Variants in OR5L1 observed in about 807,000 individuals in gnomAD.
The protein encoded by OR5L1 is olfactory receptor 5L1.
For missense variants in OR5L1, 398 were observed against 365.8 expected (o/e 1.09, Z -0.72); for synonymous variants, 197 against 146.6 (o/e 1.34, Z -2.49).
chr11:55,811,537 G>C lies in OR5L1; in HGVS notation c.71G>C (p.Arg24Thr), dbSNP rs200249696. 1.9e-6 allele frequency: 3 copies of C among 1,614,014 alleles called. No homozygotes were observed. The African/African-American group carries it at 4.0e-5, about 22-fold the overall frequency. Residue 24 changes from arginine (R) to threonine (T), a missense_variant, in exon 1 of 1, where the codon AGA becomes ACA. Arg to Thr is a moderately conservative substitution (Grantham distance 71, BLOSUM62 -1). Transcript: ENST00000625203. ...LLGLSDVPELRVCLFLLFLLI... is the reference protein window; with the variant it reads ...LLGLSDVPELTVCLFLLFLLI... The stretch of plus-strand genomic sequence containing the variant: ...GGACTATCAGATGTCCCTGAGTTGA[G>C]AGTCTGCCTCTTCCTGCTGTTCCTT...
chr11:55,812,453 G>A lies in OR5L1; in HGVS notation c.*51G>A, dbSNP rs533270077. 7.6e-7 allele frequency: 1 copy of A among 1,320,646 alleles called. No homozygotes were observed. The highest frequency in any genetic ancestry group is 1.1e-6 in the Non-Finnish European group (1 of 939,338). 81.8% of individuals were successfully genotyped at this position (1,320,646 alleles called of 1,614,324 possible). ...GATTCCCAAGTAGTGGCAGGCGGGGGTTCACGGGAGAGGCACAGTGTTGGA... is the reference window on the plus strand; with the variant it reads ...GATTCCCAAGTAGTGGCAGGCGGGGATTCACGGGAGAGGCACAGTGTTGGA... On this transcript the variant is annotated 3_prime_UTR_variant, in exon 1 of 1. Transcript: ENST00000625203.
At position 55,812,137 on chromosome 11, in the gene OR5L1, C is replaced by G; in HGVS notation, c.671C>G (p.Thr224Ser). 1 of 1,614,024 alleles carries G rather than the reference C, an allele frequency of 6.2e-7. No individual in the cohort carries two copies. The highest frequency in any genetic ancestry group is 8.5e-7 in the Non-Finnish European group (1 of 1,180,026). ...ILTSYLLILTTILKMGSAEGR... is the reference protein window; with the variant it reads ...ILTSYLLILTSILKMGSAEGR... ...ACCTCCTACCTGCTAATTCTCACCA[C>G]CATCCTGAAGATGGGCTCTGCAGAG... is the stretch of plus-strand genomic sequence containing the variant. Residue 224 changes from threonine (T) to serine (S), a missense_variant, in exon 1 of 1, where the codon ACC becomes AGC. Transcript: ENST00000625203.
rs775280055 is a variant in OR5L1, at chr11:55,811,721, C to A, written c.255C>A (p.Ile85=). 1.9e-6 allele frequency: 3 copies of A among 1,614,082 alleles called. No homozygotes were observed. Among genetic ancestry groups the A allele is most frequent in the East Asian group, 2.2e-5 (1 of 44,882 alleles). ...TTGTGCCAAAAATGTTGGCTAATAT[C>A]TTTAACAAGGACAAAGCCATCTCCT... ...SIIVPKMLAN[I]FNKDKAISFL... The change falls in exon 1 of 1, where the codon ATC becomes ATA. Residue 85 remains isoleucine (I), a synonymous_variant. Transcript: ENST00000625203.
rs777592351 is a variant in OR5L1, at chr11:55,812,255, TTCA to T, written c.790_792del (p.Ser264del). ...TCCTTTCCATTTATTGCAGGCCCAG[TTCA>T]GGCAATAGTGGAGATGCTGACAAAG... On this transcript the variant is annotated inframe_deletion, in exon 1 of 1. Coordinates refer to ENST00000625203, the MANE Select transcript of OR5L1 (RefSeq NM_001004738.2). 2 of 1,613,770 alleles carry T rather than the reference TTCA, an allele frequency of 1.2e-6. No individual in the cohort carries two copies. Among genetic ancestry groups the T allele is most frequent in the South Asian group, 2.2e-5 (2 of 91,078 alleles).
chr11:55,811,471 G>T lies in OR5L1; in HGVS notation c.5G>T (p.Gly2Val). 2 of 1,610,226 alleles carry T rather than the reference G, an allele frequency of 1.2e-6. No homozygotes were observed. The highest frequency in any genetic ancestry group is 1.7e-6 in the Non-Finnish European group (2 of 1,177,850). ...AATCTCATATAAATTGGAGACATGG[G>T]CAAGGAAAACTGCACCACTGTGGCT... Reference protein sequence around the residue: MGKENCTTVAEF... With the variant: MVKENCTTVAEF... Residue 2 changes from glycine (G) to valine (V), a missense_variant, in exon 1 of 1, where the codon GGC becomes GTC. Transcript: ENST00000625203.
Position 55,811,416 on chromosome 11 carries a change from G to A in OR5L1, c.-51G>A. 6.4e-7 allele frequency: 1 copy of A among 1,550,856 alleles called. No individual in the cohort carries two copies. Among genetic ancestry groups the A allele is most frequent in the Non-Finnish European group, 8.7e-7 (1 of 1,150,808 alleles). On this transcript the variant is annotated 5_prime_UTR_variant, in exon 1 of 1. An upstream start codon of the reference 5' UTR is lost. Coordinates refer to ENST00000625203, the MANE Select transcript of OR5L1 (RefSeq NM_001004738.2). Reference sequence around the variant, plus strand: ...AAAACTAAAATTTAGACTATATAATGGAGAATAATTTTTAAGTTTCTTTTC... The same window carrying A: ...AAAACTAAAATTTAGACTATATAATAGAGAATAATTTTTAAGTTTCTTTTC...
At position 55,811,574 on chromosome 11, in the gene OR5L1, A is replaced by T. The variant is rs776525833; in HGVS notation, c.108A>T (p.Gly36=). ...TCCTGCTGTTCCTTCTCATCTATGG[A>T]GTCACGTTGTTAGCCAACCTGGGCA... ...CLFLLFLLIY[G]VTLLANLGMI... is the part of the protein sequence containing the mutation. The change falls in exon 1 of 1, where the codon GGA becomes GGT. Residue 36 remains glycine, a synonymous_variant. Transcript: ENST00000625203. 6.2e-7 allele frequency: 1 copy of T among 1,613,908 alleles called. No individual in the cohort carries two copies. Among genetic ancestry groups the T allele is most frequent in the Non-Finnish European group, 8.5e-7 (1 of 1,180,004 alleles).
Position 55,812,313 on chromosome 11 carries a change from C to A in OR5L1, c.847C>A (p.Pro283Thr), listed in dbSNP as rs368833257. Residue 283 changes from proline to threonine, a missense_variant, in exon 1 of 1, where the codon CCT becomes ACT. By Grantham distance (38) the Pro-to-Thr change is conservative. Coordinates refer to ENST00000625203, the MANE Select transcript of OR5L1 (RefSeq NM_001004738.2). ...CACCGTGTTCTACACAGTCGTGATT[C>A]CTATGCTGAACTCTGTGATCTACAG... is the stretch of plus-strand genomic sequence containing the variant. ...VATVFYTVVI[P>T]MLNSVIYSLR... The A allele has an allele frequency of 1.9e-6, 3 of 1,613,866 alleles. No individual in the cohort carries two copies. The highest frequency in any genetic ancestry group is 2.5e-6 in the Non-Finnish European group (3 of 1,179,940).
rs779575279 is a variant in OR5L1, at chr11:55,811,857, C to G, written c.391C>G (p.Leu131Val). ...CTTTGTGGCCATCTGTAACCCTTTG[C>G]TATACACAGTCACCATGTCTTGGAA... ...DRFVAICNPL[L>V]YTVTMSWKVR... Residue 131 changes from leucine (L) to valine (V), a missense_variant, in exon 1 of 1, where the codon CTA becomes GTA. Coordinates refer to ENST00000625203, the MANE Select transcript of OR5L1 (RefSeq NM_001004738.2). The G allele has an allele frequency of 1.9e-6, 3 of 1,614,012 alleles. 1 individual carries two copies. In the South Asian group the frequency reaches 3.3e-5, roughly 18 times the overall value.
chr11:55,811,565 C>T lies in OR5L1; in HGVS notation c.99C>T (p.Leu33=). Residue 33 remains leucine, a synonymous_variant, in exon 1 of 1, where the codon CTC becomes CTT. Transcript: ENST00000625203. ...LRVCLFLLFL[L]IYGVTLLANL... ...TCTGCCTCTTCCTGCTGTTCCTTCT[C>T]ATCTATGGAGTCACGTTGTTAGCCA... The T allele has an allele frequency of 3.7e-6, 6 of 1,613,998 alleles. No individual in the cohort carries two copies. Among genetic ancestry groups the T allele is most frequent in the Non-Finnish European group, 5.1e-6 (6 of 1,180,030 alleles).
chr11:55,811,428 T>G lies in OR5L1; in HGVS notation c.-39T>G. On this transcript the variant is annotated 5_prime_UTR_variant, in exon 1 of 1. Transcript: ENST00000625203. The stretch of plus-strand genomic sequence containing the variant: ...TAGACTATATAATGGAGAATAATTT[T>G]TAAGTTTCTTTTCCTCCAATCTCAT... The G allele has an allele frequency of 6.4e-7, 1 of 1,563,694 alleles. No individual in the cohort carries two copies. Among genetic ancestry groups the G allele is most frequent in the Non-Finnish European group, 8.6e-7 (1 of 1,158,262 alleles).
Position 55,811,488 on chromosome 11 carries a change from A to G in OR5L1, c.22A>G (p.Thr8Ala), listed in dbSNP as rs140524901. ...AGACATGGGCAAGGAAAACTGCACC[A>G]CTGTGGCTGAGTTCATTCTCCTTGG... Reference protein sequence around the residue: MGKENCTTVAEFILLGLS... With the variant: MGKENCTAVAEFILLGLS... Residue 8 changes from threonine (T) to alanine (A), a missense_variant, in exon 1 of 1, where the codon ACT becomes GCT. Transcript: ENST00000625203. The G allele has an allele frequency of 6.2e-7, 1 of 1,613,120 alleles. No individual in the cohort carries two copies. The highest frequency in any genetic ancestry group is 1.3e-5 in the African/African-American group (1 of 74,780).
At position 55,812,219 on chromosome 11, in the gene OR5L1, C is replaced by G. The variant is rs1381189325; in HGVS notation, c.753C>G (p.Phe251Leu). The G allele has an allele frequency of 4.3e-6, 7 of 1,613,906 alleles. No homozygotes were observed. The highest frequency in any genetic ancestry group is 5.9e-6 in the Non-Finnish European group (7 of 1,180,014). ...CASHLTAITV[F>L]HGTVLSIYCR... Reference sequence around the variant, plus strand: ...CCCACCTCACAGCTATCACTGTCTTCCATGGAACAGTCCTTTCCATTTATT... The same window carrying G: ...CCCACCTCACAGCTATCACTGTCTTGCATGGAACAGTCCTTTCCATTTATT... The change falls in exon 1 of 1, where the codon TTC (phenylalanine) becomes TTG (leucine). Residue 251 changes from phenylalanine (F) to leucine (L), a missense_variant. Coordinates refer to ENST00000625203, the MANE Select transcript of OR5L1 (RefSeq NM_001004738.2).
rs748551518 is a variant in OR5L1, at chr11:55,811,424, A to T, written c.-43A>T. 9 of 1,560,872 alleles carry T rather than the reference A, an allele frequency of 5.8e-6. No homozygotes were observed. Among genetic ancestry groups the T allele is most frequent in the Non-Finnish European group, 7.8e-6 (9 of 1,157,154 alleles). ...AATTTAGACTATATAATGGAGAATA[A>T]TTTTTAAGTTTCTTTTCCTCCAATC... On this transcript the variant is annotated 5_prime_UTR_variant, in exon 1 of 1. Transcript: ENST00000625203.
chr11:55,812,339 C>T lies in OR5L1; in HGVS notation c.873C>T (p.Ser291=), dbSNP rs1350063313. The T allele has an allele frequency of 6.2e-7, 1 of 1,613,702 alleles. No homozygotes were observed. ...CTATGCTGAACTCTGTGATCTACAGCCTGAGAAATAAAGATGTGAAAGAAG... is the reference window on the plus strand; with the variant it reads ...CTATGCTGAACTCTGTGATCTACAGTCTGAGAAATAAAGATGTGAAAGAAG... ...VIPMLNSVIY[S]LRNKDVKEAL... The change falls in exon 1 of 1, where the codon AGC becomes AGT. Residue 291 remains serine, a synonymous_variant. Coordinates refer to ENST00000625203, the MANE Select transcript of OR5L1 (RefSeq NM_001004738.2).
chr11:55,811,487 C>A lies in OR5L1; in HGVS notation c.21C>A (p.Thr7=), dbSNP rs2134455654. The A allele has an allele frequency of 6.2e-7, 1 of 1,612,744 alleles. No homozygotes were observed. Among genetic ancestry groups the A allele is most frequent in the Non-Finnish European group, 8.5e-7 (1 of 1,179,368 alleles). MGKENC[T]TVAEFILLGL... is the part of the protein sequence containing the mutation. ...GAGACATGGGCAAGGAAAACTGCAC[C>A]ACTGTGGCTGAGTTCATTCTCCTTG... Residue 7 remains threonine, a synonymous_variant, in exon 1 of 1, where the codon ACC becomes ACA. Transcript: ENST00000625203.
chr11:55,811,784 T>A lies in OR5L1; in HGVS notation c.318T>A (p.Thr106=), dbSNP rs757206248. 4.3e-6 allele frequency: 7 copies of A among 1,613,926 alleles called. No individual in the cohort carries two copies. The Admixed American group carries it at 5.0e-5, about 12-fold the overall frequency. Residue 106 remains threonine, a synonymous_variant, in exon 1 of 1, where the codon ACT becomes ACA. Transcript: ENST00000625203. ...TGGTGCAATTCTACTTGTTTTGCAC[T>A]TGTGTGGTCACTGAGGTCTTCCTGC... ...GCMVQFYLFC[T]CVVTEVFLLA... is the part of the protein sequence containing the mutation.
rs142577076 is a variant in OR5L1, at chr11:55,811,645, A to G, written c.179A>G (p.Tyr60Cys). The G allele has an allele frequency of 5.6e-6, 9 of 1,613,848 alleles. No homozygotes were observed. The African/African-American group carries it at 1.1e-4, about 19-fold the overall frequency. Residue 60 changes from tyrosine to cysteine, a missense_variant, in exon 1 of 1, where the codon TAC becomes TGC. By Grantham distance (194) the Tyr-to-Cys change is radical. Transcript: ENST00000625203. ...QVSSRLHTPM[Y>C]FFLSHLSSVD... ...AGCTCTCGGCTCCACACCCCCATGT[A>G]CTTTTTCCTCAGCCACTTGTCCTCT...
At position 55,811,966 on chromosome 11, in the gene OR5L1, C is replaced by T. The variant is rs200700418; in HGVS notation, c.500C>T (p.Pro167Leu). 2.2e-4 allele frequency: 359 copies of T among 1,613,746 alleles called. No homozygotes were observed. The highest frequency in any genetic ancestry group is 2.9e-4 in the Non-Finnish European group (338 of 1,180,000). The part of the protein sequence containing the change: ...LIHLCLALRI[P>L]FYRSNVINHF... ...CATTTGTGCTTAGCTCTTAGGATCCCCTTCTATAGATCTAATGTGATTAAC... is the reference window on the plus strand; with the variant it reads ...CATTTGTGCTTAGCTCTTAGGATCCTCTTCTATAGATCTAATGTGATTAAC... The change falls in exon 1 of 1, where the codon CCC (proline) becomes CTC (leucine). Residue 167 changes from proline to leucine, a missense_variant. Physicochemically the swap from Pro to Leu is moderately conservative, Grantham distance 98. Coordinates refer to ENST00000625203, the MANE Select transcript of OR5L1 (RefSeq NM_001004738.2).
Sources: allele counts gnomAD v4.1 joint callset, GRCh38; gene constraint gnomAD v4.1.1; transcripts MANE v1.5; gene names NCBI Gene and HGNC (gene_info 2026-07-23, HGNC 2026-07-21).